PREP: variants seen among roughly 807,000 people sequenced by gnomAD.
PREP encodes prolyl endopeptidase, also known as dJ355L5.1 (prolyl endopeptidase).
Under a neutral mutation model 87.6 loss-of-function variants are expected in PREP, and 29 were observed. The observed-to-expected ratio is 0.33, with a 90% confidence interval of 0.25 to 0.45. The LOEUF (loss-of-function observed/expected upper bound fraction) is 0.45. Among genes scored for constraint, PREP ranks in the 20% least tolerant of loss-of-function variants. The pLI is 1.00. For synonymous variants in PREP, 337 were observed against 328.6 expected (o/e 1.03, Z -0.28); for missense variants, 695 against 886.5 (o/e 0.78, Z 2.74).
At chr6:105,305,349 G>T (rs2114629975) in intron 10 of PREP, among the ~76,000 whole-genome samples, 1 of 152,226 alleles carries the variant, frequency 6.6e-6, no homozygotes. Context: ...GGGATTAAAT[G>T]GGACTGTATG....
Position 105,352,898 on chromosome 6 carries a change from A to G in PREP, c.823+74T>C. 3 of 1,339,056 alleles carry G rather than the reference A, an allele frequency of 2.2e-6. No homozygotes were observed. The South Asian group carries it at 3.6e-5, about 16-fold the overall frequency. 82.9% of individuals were successfully genotyped at this position (1,339,056 alleles called of 1,614,324 possible). A position where few individuals can be genotyped will look rare whatever the true frequency, so the allele number is the denominator to read the frequency against. ...AATGGAAGAGGGTCTTGGGAAATCA[A>G]TTAATAGACCACAATAATACTTTTT... On this transcript the variant is annotated intron_variant, in intron 7 of 14. Coordinates refer to ENST00000652536, the MANE Select transcript of PREP (RefSeq NM_002726.5).
At chr6:105,347,661 C>A (rs2114677258) in intron 7 of PREP, among the ~76,000 whole-genome samples, 1 of 152,176 alleles carries the variant, frequency 6.6e-6, no homozygotes, top group East Asian at 1.9e-4. Flanking sequence ...AGAAAATATT[C>A]AAAAATTTAT....
At chr6:105,329,061 T>C in intron 8 of PREP, 35 bp from the exon 9 acceptor site, 1 of 1,568,880 alleles carries the variant, frequency 6.4e-7, no homozygotes, top group Non-Finnish European at 8.8e-7. Context: ...CCTAATGCAA[T>C]TTAAAAAATT....
At chr6:105,387,498 G>A (rs778370698) in intron 2 of PREP, among the ~76,000 whole-genome samples, 2 of 151,710 alleles carry the variant, frequency 1.3e-5, no homozygotes, top group African/African-American at 4.8e-5. Context: ...TGGAGTCTTC[G>A]CCTCTACAAC....
intron 6 of PREP, among the ~76,000 whole-genome samples, chr6:105,361,680 G>A (rs556806515): frequency 1.3e-5 from 2 of 152,256 alleles, no homozygotes; most frequent in African/African-American, 4.8e-5. Flanking sequence ...CTCAGAGCAG[G>A]AGACTTTATC....
intron 10 of PREP, among the ~76,000 whole-genome samples, chr6:105,315,886 T>A (rs1415980379): frequency 1.3e-5 from 2 of 152,206 alleles, no homozygotes; most frequent in Non-Finnish European, 2.9e-5. Context: ...TGTCTTTTAG[T>A]CTTCACAGAA....
rs10586996 is a variant in PREP at position 105,295,157 on chromosome 6, C to CTTTTTT, written c.1318-6269_1318-6264dup. ...TTCAAGAGTAGTTTCCAATGTTTTC[C>CTTTTTT]TTTTTTTTTTTTTTTTATTTCTGAC... On this transcript the variant is annotated intron_variant, in intron 10 of 14. Transcript: ENST00000652536. 7.1e-3 allele frequency among the ~76,000 whole-genome samples: 940 copies of CTTTTTT among 132,570 alleles called. 23 individuals carry two copies. In the East Asian group the frequency reaches 0.092, roughly 13 times the overall value. 87.0% of individuals were successfully genotyped at this position (132,570 alleles called of 152,430 possible). A position where few individuals can be genotyped will look rare whatever the true frequency, so the allele number is the denominator to read the frequency against.
At chr6:105,280,857 C>T (rs966359966) in intron 14 of PREP, 8 of 152,268 alleles carry the variant, frequency 5.3e-5, no homozygotes, top group African/African-American at 1.9e-4. Context: ...GTATGAGCCA[C>T]CATACTCAAC....
intron 5 of PREP, among the ~76,000 whole-genome samples, chr6:105,372,397 C>T (rs569378657): frequency 5.9e-5 from 9 of 152,292 alleles, no homozygotes; most frequent in African/African-American, 1.4e-4. Flanking sequence ...GATTGTAAAA[C>T]TTACCTGTAA....
rs565556324 is a variant in PREP, at chr6:105,335,421, T to C, written c.824-1916A>G. On this transcript the variant is annotated intron_variant, in intron 7 of 14. Coordinates refer to ENST00000652536, the MANE Select transcript of PREP (RefSeq NM_002726.5). ...TTCATCTCTGCAGCATATCTTCATA[T>C]AATTTGTTACTGAATTAAACTTAAC... 1.1e-4 allele frequency among the ~76,000 whole-genome samples: 16 copies of C among 152,356 alleles called. No individual in the cohort carries two copies. In the South Asian group the frequency reaches 3.3e-3, roughly 32 times the overall value.
intron 10 of PREP, among the ~76,000 whole-genome samples, chr6:105,317,303 A>G (rs567596136): frequency 6.6e-6 from 1 of 152,210 alleles, no homozygotes; most frequent in South Asian, 2.1e-4. Context: ...AGCTATAGCG[A>G]GAATAACTTA....
intron 2 of PREP, among the ~76,000 whole-genome samples, chr6:105,397,229 A>T (rs1773310771): frequency 6.6e-6 from 1 of 150,922 alleles, no homozygotes; most frequent in South Asian, 2.1e-4. Context: ...AGTCCTAGGC[A>T]CTCCAAAAAG....
Position 105,278,188 on chromosome 6 carries a change from A to G in PREP, c.2089T>C (p.Phe697Leu). Residue 697 changes from phenylalanine to leucine, a missense_variant, in exon 15 of 15, where the codon TTT (phenylalanine) becomes CTT (leucine). By Grantham distance (22) the Phe-to-Leu change is conservative. Coordinates refer to ENST00000652536, the MANE Select transcript of PREP (RefSeq NM_002726.5). This position sits in a 1 kb window ranked among gnomAD's most constrained non-coding sequence, Gnocchi z 4.2. Reference protein sequence around the residue: ...AKVIEEVSDMFAFIARCLNVD... With the variant: ...AKVIEEVSDMLAFIARCLNVD... ...TTCAGGCACCGCGCGATGAACGCAA[A>G]CATGTCTGAGACTTCCTCTATCACT... The G allele has an allele frequency of 1.2e-6, 2 of 1,614,088 alleles. No homozygotes were observed. The highest frequency in any genetic ancestry group is 1.7e-6 in the Non-Finnish European group (2 of 1,179,954).
At chr6:105,305,859 G>A (rs570738634) in intron 10 of PREP, among the ~76,000 whole-genome samples, 1 of 150,108 alleles carries the variant, frequency 6.7e-6, no homozygotes, top group African/African-American at 2.5e-5. Context: ...TTTTTTGGGG[G>A]GGACAGGTTC....
At chr6:105,279,890 T>C (rs1770041405) in intron 14 of PREP, among the ~76,000 whole-genome samples, 2 of 152,258 alleles carry the variant, frequency 1.3e-5, no homozygotes, top group South Asian at 2.1e-4. Context: ...TGAGTTTAAA[T>C]AGGACTTGTT....
chr6:105,309,827 T>G (rs1770726070), intron 10 of PREP, among the ~76,000 whole-genome samples: 1 of 152,200 alleles, frequency 6.6e-6, no homozygotes, highest in Non-Finnish European at 1.5e-5. Flanking sequence ...TCAAGGGAAC[T>G]TGTTTCTGAG....
chr6:105,395,422 C>G (rs1246472349), intron 2 of PREP, among the ~76,000 whole-genome samples: 1 of 152,158 alleles, frequency 6.6e-6, no homozygotes, highest in Admixed American at 6.5e-5. Flanking sequence ...TATTTAATCA[C>G]TCAGCACCTC....
intron 1 of PREP, among the ~76,000 whole-genome samples, chr6:105,401,570 TC>T (rs1286983371): frequency 6.6e-6 from 1 of 152,214 alleles, no homozygotes; most frequent in Admixed American, 6.5e-5. Flanking sequence ...TAGTCCAGCC[TC>T]TTTCTCCATT....
chr6:105,302,708 C>T (rs1006884278), intron 10 of PREP: 13 of 507,556 alleles, frequency 2.6e-5, no homozygotes, highest in African/African-American at 1.6e-4. Context: ...TTGGAGACCG[C>T]GCCGCCTGTC....
Sources: allele counts gnomAD v4.1 joint callset (sites outside exome capture counted in the v4.1 genomes callset), GRCh38; gene constraint gnomAD v4.1.1; non-coding constraint Gnocchi (gnomAD v3.1); transcripts MANE v1.5; gene names NCBI Gene and HGNC (gene_info 2026-07-23, HGNC 2026-07-21).